Variants in NUTM2B observed in about 807,000 individuals in gnomAD.
NUTM2B encodes the protein family with sequence similarity 22, member B.
NUTM2B carries 2 observed loss-of-function variants against 42.4 expected under a neutral mutation model. The observed-to-expected ratio is 0.05, with a 90% CI of 0.02 to 0.15. The LOEUF (loss-of-function observed/expected upper bound fraction) is 0.15, where lower values mean the gene tolerates loss of function less well. NUTM2B is among the 10% of genes least tolerant of loss of function. The pLI is 1.00. For synonymous variants in NUTM2B, 18 were observed against 402.4 expected, an observed-to-expected ratio of 0.04 and a Z score of 11.43; for missense variants, 58 against 952.6, an observed-to-expected ratio of 0.06 and a Z score of 12.36.
chr10:79,692,620 T>TG, the NUTM2B span, among the ~76,000 whole-genome samples: 2 of 152,154 alleles, frequency 1.3e-5, no homozygotes, highest in Non-Finnish European at 2.9e-5. Context: ...GGGGTCCTCA[T>TG]GGGGGAGGAT....
chr10:79,711,972 G>C (rs761635403), exon 7 of NUTM2B: 1 of 1,379,930 alleles, frequency 7.2e-7, no homozygotes, highest in South Asian at 1.5e-5. Flanking sequence ...ATTCCCCTGG[G>C]CTGAGGGCTG....
the NUTM2B span, among the ~76,000 whole-genome samples, chr10:79,696,240 G>A: frequency 2.7e-5 from 4 of 150,578 alleles, no homozygotes; most frequent in Admixed American, 2.0e-4. Context: ...TGCTTAAGTG[G>A]TGTAAGTATC....
At chr10:79,692,163 A>AGG in the NUTM2B span, 4 of 139,484 alleles carry the variant, frequency 2.9e-5, no homozygotes, top group African/African-American at 1.2e-4. Context: ...GGCCATCAGA[A>AGG]GAGGGGGCTC....
chr10:79,700,732 T>TCAACCGCCG (rs1840300282), upstream of NUTM2B, among the ~76,000 whole-genome samples: 2 of 152,200 alleles, frequency 1.3e-5, no homozygotes, highest in African/African-American at 4.8e-5. Flanking sequence ...CTCCCTGCCA[T>TCAACCGCCG]CAACCGCCGC....
chr10:79,699,241 C>A (rs2132233833), upstream of NUTM2B, among the ~76,000 whole-genome samples: 1 of 151,966 alleles, frequency 6.6e-6, no homozygotes, highest in South Asian at 2.1e-4. Context: ...CCCATGTGCA[C>A]AAGATAATTC....
upstream of NUTM2B, among the ~76,000 whole-genome samples, chr10:79,699,694 C>T (rs1402031166): frequency 2.0e-5 from 3 of 152,172 alleles, no homozygotes; most frequent in Admixed American, 1.3e-4. Flanking sequence ...CCATCTGCCT[C>T]GGCCTCTCAA....
chr10:79,695,724 G>C, the NUTM2B span, among the ~76,000 whole-genome samples: 77,801 of 151,256 alleles, frequency 0.51, 21,751 homozygotes, highest in African/African-American at 0.71. Context: ...CATGGCACAT[G>C]TGACCTCCTG....
At chr10:79,697,668 T>A in the NUTM2B span, among the ~76,000 whole-genome samples, 3 of 152,204 alleles carry the variant, frequency 2.0e-5, no homozygotes, top group Non-Finnish European at 4.4e-5. Flanking sequence ...CTTTTGTTAT[T>A]TTTTTAAGAA....
At chr10:79,696,211 G>T in the NUTM2B span, among the ~76,000 whole-genome samples, 1 of 149,182 alleles carries the variant, frequency 6.7e-6, no homozygotes, top group Non-Finnish European at 1.5e-5. Context: ...GGGGGAAATA[G>T]GAAAGCCTAG....
chr10:79,705,808 G>A (rs1840379999), intron 1 of NUTM2B, among the ~76,000 whole-genome samples: 1 of 148,868 alleles, frequency 6.7e-6, no homozygotes, highest in South Asian at 2.2e-4. Flanking sequence ...GCAAAGGCTT[G>A]GCTGTTACTT....
At chr10:79,700,206 A>C (rs570561184), upstream of NUTM2B, among the ~76,000 whole-genome samples, 232 of 152,382 alleles carry the variant, frequency 1.5e-3, no homozygotes, top group Non-Finnish European at 2.3e-3. Flanking sequence ...AAATCAGCGT[A>C]TTAGAACATG....
the NUTM2B span, among the ~76,000 whole-genome samples, chr10:79,697,013 CT>C: frequency 1.7e-5 from 2 of 119,642 alleles, no homozygotes; most frequent in South Asian, 3.4e-4. Flanking sequence ...AGTAAGACTT[CT>C]TTTGTGCAGC....
chr10:79,707,482 CG>C (rs1400068745), intron 2 of NUTM2B, among the ~76,000 whole-genome samples: 3 of 124,658 alleles, frequency 2.4e-5, no homozygotes, highest in Admixed American at 1.7e-4. Flanking sequence ...CCCAAAGCCA[CG>C]GGCTCCAGTG....
chr10:79,701,632 G>A (rs1353986261), upstream of NUTM2B, among the ~76,000 whole-genome samples: 5 of 150,970 alleles, frequency 3.3e-5, no homozygotes, highest in Admixed American at 6.6e-5. Context: ...CTGGGTGGAG[G>A]AGCATGTGTC....
chr10:79,694,782 C>T, the NUTM2B span, among the ~76,000 whole-genome samples: 2 of 152,162 alleles, frequency 1.3e-5, no homozygotes, highest in African/African-American at 2.4e-5. Flanking sequence ...CCAGGAGATG[C>T]GAGTGGGAGG....
At chr10:79,709,314 A>G (rs1214912639) in intron 3 of NUTM2B, among the ~76,000 whole-genome samples, 3 of 135,136 alleles carry the variant, frequency 2.2e-5, no homozygotes, top group Non-Finnish European at 4.7e-5. Context: ...AGTCCCCTCC[A>G]TGAAGGCAGA....
intron 2 of NUTM2B, among the ~76,000 whole-genome samples, chr10:79,707,426 C>T (rs1198284956): frequency 7.6e-6 from 1 of 131,832 alleles, no homozygotes; most frequent in Non-Finnish European, 1.6e-5. Context: ...CGATTACTGT[C>T]CCCATTACTA....
At chr10:79,712,042 G>T (rs1840509034) in exon 7 of NUTM2B, 2 of 1,409,178 alleles carry the variant, frequency 1.4e-6, no homozygotes, top group African/African-American at 4.3e-5. Context: ...GGGTACCAAG[G>T]ATGCCTTGGA....
chr10:79,696,089 T>G, the NUTM2B span, among the ~76,000 whole-genome samples: 1 of 147,322 alleles, frequency 6.8e-6, no homozygotes, highest in South Asian at 2.3e-4. Context: ...TACACACCTA[T>G]TAAAGCCTCA....
Sources: allele counts gnomAD v4.1 joint callset (sites outside exome capture counted in the v4.1 genomes callset), GRCh38; gene constraint gnomAD v4.1.1; transcripts MANE v1.5; gene names NCBI Gene and HGNC (gene_info 2026-07-23, HGNC 2026-07-21).